The following FSHR variants were observed in gnomAD, a reference collection of about 807,000 sequenced individuals.
FSHR encodes follicle stimulating hormone receptor.
FSHR carries 46 observed loss-of-function variants against 52.1 expected under a neutral mutation model. The ratio of observed to expected loss-of-function variants is 0.88; its 90% confidence interval spans 0.70 to 1.13. FSHR has a LOEUF of 1.13. Among genes scored for constraint, FSHR ranks in the 50% most tolerant of loss-of-function variants. The pLI is 0.00. For synonymous variants in FSHR, 399 were observed against 309.6 expected, an observed-to-expected ratio of 1.29 and a Z score of -3.03; for missense variants, 964 against 834.6, an observed-to-expected ratio of 1.16 and a Z score of -1.91.
chr2:49,153,196 T>G (rs1394908075), intron 1 of FSHR, among the ~76,000 whole-genome samples: 1 of 152,224 alleles, frequency 6.6e-6, no homozygotes, highest in African/African-American at 2.4e-5. Context: ...ATATGGCAAT[T>G]GGTGAACTAA....
At position 48,965,136 on chromosome 2, in the gene FSHR, C is replaced by A. The variant is rs369861561; in HGVS notation, c.855-1170G>T. Among the ~76,000 whole-genome samples, 23 of 152,168 alleles carry A rather than the reference C, an allele frequency of 1.5e-4. No individual in the cohort carries two copies. In the South Asian group the frequency reaches 4.6e-3, roughly 30 times the overall value. Reference sequence around the variant, plus strand: ...TATAAGTGGCGAAGTAAGTATCAAACCTTCTTAAGAAGGAAAAAGGTGGCT... The same window carrying A: ...TATAAGTGGCGAAGTAAGTATCAAAACTTCTTAAGAAGGAAAAAGGTGGCT... On this transcript the variant is annotated intron_variant, in intron 9 of 9. Coordinates refer to ENST00000406846, the MANE Select transcript of FSHR (RefSeq NM_000145.4).
intron 8 of FSHR, among the ~76,000 whole-genome samples, chr2:48,981,770 A>T (rs1675258458): frequency 6.6e-6 from 1 of 152,208 alleles, no homozygotes; most frequent in Admixed American, 6.5e-5. Flanking sequence ...CTGAAGGAGA[A>T]TATTAGCTAT....
intron 1 of FSHR, among the ~76,000 whole-genome samples, chr2:49,073,571 C>G (rs1313834803): frequency 4.0e-5 from 6 of 151,840 alleles, no homozygotes; most frequent in Admixed American, 1.3e-4. Context: ...TAAAGACATC[C>G]CATGTTCATG....
chr2:49,072,523 T>G (rs894500515), intron 1 of FSHR, among the ~76,000 whole-genome samples: 8 of 152,138 alleles, frequency 5.3e-5, no homozygotes, highest in Non-Finnish European at 1.0e-4. Context: ...ATGAACCCAA[T>G]AATTTTTATT....
At chr2:49,026,589 G>T (rs1379414130) in intron 2 of FSHR, among the ~76,000 whole-genome samples, 1 of 152,248 alleles carries the variant, frequency 6.6e-6, no homozygotes, top group African/African-American at 2.4e-5. Flanking sequence ...CAAGTATAAA[G>T]CATATAAGAT....
chr2:49,081,509 A>G lies in FSHR; in HGVS notation c.153-13219T>C, dbSNP rs148189485. 1.0e-3 allele frequency among the ~76,000 whole-genome samples: 152 copies of G among 152,306 alleles called. 1 individual carries two copies. Among genetic ancestry groups the G allele is most frequent in the African/African-American group, 3.6e-3 (149 of 41,568 alleles). ...ATTCTCACCAGGGCATATCCCAAGC[A>G]TCATTTATTAACTCACTATTAATTC... is the stretch of plus-strand genomic sequence containing the variant. On this transcript the variant is annotated intron_variant, in intron 1 of 9. Coordinates refer to ENST00000406846, the MANE Select transcript of FSHR (RefSeq NM_000145.4).
At chr2:49,018,203 C>A (rs1667559201) in intron 3 of FSHR, among the ~76,000 whole-genome samples, 1 of 152,144 alleles carries the variant, frequency 6.6e-6, no homozygotes, top group Non-Finnish European at 1.5e-5. Context: ...ATGCAGTAGA[C>A]TGAGGCTGCT....
At chr2:49,132,129 GT>G (rs1672300051) in intron 1 of FSHR, among the ~76,000 whole-genome samples, 1 of 152,184 alleles carries the variant, frequency 6.6e-6, no homozygotes, top group Non-Finnish European at 1.5e-5. Flanking sequence ...CTGTTTAAGT[GT>G]TTAGTAAAGA....
intron 1 of FSHR, among the ~76,000 whole-genome samples, chr2:49,087,932 G>A (rs1012687900): frequency 2.0e-5 from 3 of 152,128 alleles, no homozygotes; most frequent in African/African-American, 7.2e-5. Flanking sequence ...AGAGTGTGTG[G>A]TGATGATGAC....
chr2:49,097,932 A>T (rs1432038385), intron 1 of FSHR, among the ~76,000 whole-genome samples: 1 of 149,780 alleles, frequency 6.7e-6, no homozygotes, highest in African/African-American at 2.4e-5. Context: ...ATAAATTTAT[A>T]CTCTCTGCCC....
At chr2:49,101,518 T>A (rs978797194) in intron 1 of FSHR, among the ~76,000 whole-genome samples, 36 of 151,988 alleles carry the variant, frequency 2.4e-4, no homozygotes, top group African/African-American at 8.5e-4. Context: ...AGAGAAAGAT[T>A]ATGTCAAAGG....
intron 1 of FSHR, among the ~76,000 whole-genome samples, chr2:49,124,949 T>C (rs1422144447): frequency 6.6e-6 from 1 of 152,354 alleles, no homozygotes; most frequent in Non-Finnish European, 1.5e-5. Context: ...CACTAATCCC[T>C]GTCCACTCAT....
intron 1 of FSHR, among the ~76,000 whole-genome samples, chr2:49,098,058 A>T (rs114487506): frequency 6.6e-6 from 1 of 152,168 alleles, no homozygotes; most frequent in Admixed American, 6.6e-5. Context: ...TATGGCTAGT[A>T]GGGTTACGAA....
intron 1 of FSHR, among the ~76,000 whole-genome samples, chr2:49,126,824 C>A (rs544295205): frequency 6.3e-4 from 96 of 152,334 alleles, no homozygotes; most frequent in Admixed American, 1.5e-3. Context: ...TAGGACACAC[C>A]TCTCAAGATA....
chr2:49,107,596 C>A (rs1283981319), intron 1 of FSHR, among the ~76,000 whole-genome samples: 1 of 152,116 alleles, frequency 6.6e-6, no homozygotes, highest in African/African-American at 2.4e-5. Context: ...AACTGATTAA[C>A]AATGGTTAAT....
intron 1 of FSHR, among the ~76,000 whole-genome samples, chr2:49,139,601 T>A (rs1672605490): frequency 6.7e-6 from 1 of 148,640 alleles, no homozygotes; most frequent in South Asian, 2.1e-4. Context: ...TCCAAGAATT[T>A]TTTTTTTTTT....
chr2:49,020,185 C>G, intron 2 of FSHR, 25 bp from the exon 3 acceptor site: 1 of 1,577,504 alleles, frequency 6.3e-7, no homozygotes, highest in Non-Finnish European at 8.7e-7. Flanking sequence ...ATATATAAGT[C>G]AAGCCAGTTC....
At chr2:48,966,288 G>C (rs979892577) in intron 9 of FSHR, among the ~76,000 whole-genome samples, 2 of 152,158 alleles carry the variant, frequency 1.3e-5, no homozygotes, top group African/African-American at 4.8e-5. Context: ...ATATGCAACA[G>C]CATGTCAATT....
At position 48,987,837 on chromosome 2, in the gene FSHR, A is replaced by AACACACACACAC. The variant is rs72108367; in HGVS notation, c.524+1128_524+1139dup. Among the ~76,000 whole-genome samples the AACACACACACAC allele has an allele frequency of 2.9e-3, 424 of 146,126 alleles. 2 individuals carry two copies. The highest frequency in any genetic ancestry group is 0.01 in the African/African-American group (404 of 39,618). The stretch of plus-strand genomic sequence containing the variant: ...TTTCTGCACCCCATCACCTCATCTC[A>AACACACACACAC]ACACACACACACACACACACACACA... On this transcript the variant is annotated intron_variant, in intron 6 of 9. Transcript: ENST00000406846.
Sources: allele counts gnomAD v4.1 joint callset (sites outside exome capture counted in the v4.1 genomes callset), GRCh38; gene constraint gnomAD v4.1.1; transcripts MANE v1.5; gene names NCBI Gene and HGNC (gene_info 2026-07-23, HGNC 2026-07-21).